KIF13B: variants seen among roughly 807,000 people sequenced by gnomAD.
KIF13B encodes kinesin family member 13B.
In KIF13B, 127 loss-of-function variants were observed where a neutral mutation model predicts 222.0. The ratio of observed to expected loss-of-function variants is 0.57; its 90% CI spans 0.50 to 0.66. The LOEUF is 0.66. KIF13B is among the 30% of genes least tolerant of loss of function. The pLI is 0.00. For synonymous variants in KIF13B, 976 were observed against 919.0 expected (o/e 1.06, Z -1.12); for missense variants, 2,173 against 2,379.0 (o/e 0.91, Z 1.80).
chr8:29,142,346 C>T (rs375232003), intron 18 of KIF13B, 43 bp from the exon 19 acceptor site: 35 of 1,565,062 alleles, frequency 2.2e-5, no homozygotes, highest in African/African-American at 9.5e-5. Flanking sequence ...ACACAGGCAG[C>T]GGGGAAGTCA....
chr8:29,231,299 G>C (rs1815275286), intron 2 of KIF13B, among the ~76,000 whole-genome samples: 1 of 152,212 alleles, frequency 6.6e-6, no homozygotes, highest in South Asian at 2.1e-4. Flanking sequence ...TCAGAGAAGG[G>C]ATTTTCCCAC....
At chr8:29,182,231 G>A (rs1206811856) in intron 6 of KIF13B, among the ~76,000 whole-genome samples, 1 of 152,194 alleles carries the variant, frequency 6.6e-6, no homozygotes, top group Non-Finnish European at 1.5e-5. Context: ...TATATTGTGG[G>A]ATGCCTATTT....
intron 10 of KIF13B, among the ~76,000 whole-genome samples, chr8:29,172,485 C>T (rs942128449): frequency 1.3e-5 from 2 of 152,220 alleles, no homozygotes; most frequent in African/African-American, 4.8e-5. Context: ...ATTAACTAAA[C>T]AGCAGATTAA....
At chr8:29,147,705 C>T in intron 16 of KIF13B, 103 bp from the exon 17 acceptor site, 1 of 825,320 alleles carries the variant, frequency 1.2e-6, no homozygotes, top group Non-Finnish European at 1.9e-6. Context: ...AACTATACCA[C>T]CTAATACTTT....
At chr8:29,152,619 A>T (rs75271537) in intron 14 of KIF13B, among the ~76,000 whole-genome samples, 20 of 151,388 alleles carry the variant, frequency 1.3e-4, no homozygotes, top group Middle Eastern at 3.4e-3. Context: ...TTAAAAAAAA[A>T]TTTTTTTTGA....
intron 2 of KIF13B, among the ~76,000 whole-genome samples, chr8:29,201,973 C>A (rs1309910033): frequency 6.6e-6 from 1 of 152,228 alleles, no homozygotes; most frequent in Admixed American, 6.5e-5. Flanking sequence ...CCAGTCAACT[C>A]TCTGTAAGAA....
intron 2 of KIF13B, among the ~76,000 whole-genome samples, chr8:29,215,746 T>C (rs1223099406): frequency 6.6e-6 from 1 of 152,208 alleles, no homozygotes; most frequent in Non-Finnish European, 1.5e-5. Flanking sequence ...AAAGATGTTT[T>C]GAAGAAAGCA....
chr8:29,239,718 G>A (rs181229714), intron 2 of KIF13B, among the ~76,000 whole-genome samples: 19 of 152,254 alleles, frequency 1.2e-4, no homozygotes, highest in Admixed American at 7.8e-4. Flanking sequence ...GTTGGAGTGC[G>A]GTGGCACGAT....
At chr8:29,245,487 T>C in intron 1 of KIF13B, 48 bp from the exon 2 acceptor site, 1 of 1,409,524 alleles carries the variant, frequency 7.1e-7, no homozygotes, top group South Asian at 1.3e-5. Flanking sequence ...AAGTAATTTA[T>C]TTCAGAAAAG....
At chr8:29,181,850 A>C (rs1309970053) in intron 7 of KIF13B, 69 bp downstream of exon 7, 19 of 1,016,136 alleles carry the variant, frequency 1.9e-5, no homozygotes, top group Non-Finnish European at 2.8e-5. Context: ...TAACAAATTA[A>C]GCCAAGAAAA....
At chr8:29,255,589 C>T (rs1297648529) in intron 1 of KIF13B, among the ~76,000 whole-genome samples, 2 of 151,848 alleles carry the variant, frequency 1.3e-5, no homozygotes, top group African/African-American at 2.4e-5. Flanking sequence ...AAAAAAGGTA[C>T]CTACCCCTCC....
intron 2 of KIF13B, among the ~76,000 whole-genome samples, chr8:29,234,100 A>G (rs1273732409): frequency 6.6e-6 from 1 of 152,216 alleles, no homozygotes; most frequent in Non-Finnish European, 1.5e-5. Context: ...AGAACATGAC[A>G]GATTCAGAGT....
In KIF13B at chr8:29,150,387, T is replaced by C. The variant is rs1044066339; in HGVS notation, c.1536-4A>G. 1.3e-6 allele frequency: 2 copies of C among 1,502,590 alleles called. No individual in the cohort carries two copies. Among genetic ancestry groups the C allele is most frequent in the African/African-American group, 2.7e-5 (2 of 72,842 alleles). 93.1% of individuals were successfully genotyped at this position (1,502,590 alleles called of 1,614,324 possible). On this transcript the variant is annotated splice_region_variant and splice_polypyrimidine_tract_variant and intron_variant, in intron 14 of 39. Transcript: ENST00000524189. Reference sequence around the variant, plus strand: ...AGATGACCCATTTACAAATGTTCTGTAAGGAGAAGAGATCAAACGTGAATG... The same window carrying C: ...AGATGACCCATTTACAAATGTTCTGCAAGGAGAAGAGATCAAACGTGAATG...
At chr8:29,222,181 T>A (rs942349985) in intron 2 of KIF13B, among the ~76,000 whole-genome samples, 2 of 151,802 alleles carry the variant, frequency 1.3e-5, no homozygotes, top group Non-Finnish European at 2.9e-5. Context: ...ACCCCATCTC[T>A]ACAAAAAAAG....
At chr8:29,096,751 T>C (rs1429445580) in intron 36 of KIF13B, among the ~76,000 whole-genome samples, 3 of 152,092 alleles carry the variant, frequency 2.0e-5, no homozygotes, top group Non-Finnish European at 4.4e-5. Context: ...GGTGACGTCA[T>C]ATGAACTCTA....
At chr8:29,218,020 T>C (rs1349377942) in intron 2 of KIF13B, among the ~76,000 whole-genome samples, 1 of 152,212 alleles carries the variant, frequency 6.6e-6, no homozygotes, top group Non-Finnish European at 1.5e-5. Context: ...CTTAAACCTG[T>C]TTCCTACATG....
chr8:29,236,339 T>C (rs1337766520), intron 2 of KIF13B, among the ~76,000 whole-genome samples: 2 of 152,166 alleles, frequency 1.3e-5, no homozygotes. Context: ...AAGACAGGGA[T>C]GAAGATGTAG....
In KIF13B at chr8:29,075,294, G is replaced by C. The variant is rs200434029; in HGVS notation, c.4508C>G (p.Thr1503Ser). ...CAACAGACTCACCTCCTCCATCCTGGTCACCCTGATGTCCGGGCTGGCTGA... is the reference window on the plus strand; with the variant it reads ...CAACAGACTCACCTCCTCCATCCTGCTCACCCTGATGTCCGGGCTGGCTGA... ...VQSASPDIRVTRMEEAQPEMG... is the reference protein window; with the variant it reads ...VQSASPDIRVSRMEEAQPEMG... The change falls in exon 38 of 40, where the codon ACC becomes AGC. Residue 1503 changes from threonine (T) to serine (S), a missense_variant. Transcript: ENST00000524189. The C allele has an allele frequency of 1.1e-3, 1,645 of 1,556,816 alleles. 2 individuals are homozygous for C. The highest frequency in any genetic ancestry group is 1.3e-3 in the Non-Finnish European group (1,479 of 1,149,888).
intron 26 of KIF13B, among the ~76,000 whole-genome samples, chr8:29,124,478 T>C (rs1426685800): frequency 1.3e-5 from 2 of 152,202 alleles, no homozygotes; most frequent in African/African-American, 4.8e-5. Context: ...CTGGGCGTGG[T>C]GGCTCACACT....
Sources: gnomAD v4.1 joint callset for allele counts (sites outside exome capture counted in the v4.1 genomes callset) on GRCh38, gnomAD v4.1.1 for gene constraint, MANE v1.5 for transcripts, NCBI Gene and HGNC (gene_info 2026-07-23, HGNC 2026-07-21) for gene names.